The following ZMAT4 variants were observed in gnomAD, a reference collection of about 807,000 sequenced individuals.
The protein encoded by ZMAT4 is zinc finger matrin-type 4.
Under a neutral mutation model 28.7 loss-of-function variants are expected in ZMAT4, and 17 were observed. The observed-to-expected ratio is 0.59, with a 90% CI of 0.41 to 0.89. The LOEUF (loss-of-function observed/expected upper bound fraction) is 0.89, where lower values mean the gene tolerates loss of function less well. Among genes scored for constraint, ZMAT4 ranks in the 40% least tolerant of loss-of-function variants. The pLI, the probability that ZMAT4 is intolerant of heterozygous loss-of-function variation, is 0.00. For missense variants in ZMAT4, 240 were observed against 283.8 expected, an observed-to-expected ratio of 0.85 and a Z score of 1.11; for synonymous variants, 117 against 109.2, an observed-to-expected ratio of 1.07 and a Z score of -0.44.
chr8:40,729,675 A>G (rs899065584), intron 3 of ZMAT4, among the ~76,000 whole-genome samples: 5 of 150,398 alleles, frequency 3.3e-5, no homozygotes, highest in African/African-American at 1.2e-4. Context: ...GCCCACTACA[A>G]CCTCCACCTC....
At chr8:40,748,874 C>A (rs1231790210) in intron 3 of ZMAT4, among the ~76,000 whole-genome samples, 1 of 152,066 alleles carries the variant, frequency 6.6e-6, no homozygotes, top group African/African-American at 2.4e-5. Context: ...GTGTCCCCAT[C>A]TAAATCTCAA....
At chr8:40,613,691 G>A (rs1040232398) in intron 5 of ZMAT4, among the ~76,000 whole-genome samples, 1 of 152,080 alleles carries the variant, frequency 6.6e-6, no homozygotes, top group African/African-American at 2.4e-5. Context: ...TGGACTTAAT[G>A]ACACCACCAG....
At chr8:40,734,205 ACG>A (rs1811660518) in intron 3 of ZMAT4, among the ~76,000 whole-genome samples, 1 of 152,188 alleles carries the variant, frequency 6.6e-6, no homozygotes, top group African/African-American at 2.4e-5. Flanking sequence ...AGTCTTACTT[ACG>A]AAATATTGCT....
intron 1 of ZMAT4, among the ~76,000 whole-genome samples, chr8:40,876,837 A>G (rs1204359802): frequency 6.6e-6 from 1 of 152,232 alleles, no homozygotes; most frequent in Non-Finnish European, 1.5e-5. Context: ...TAACCCCTTC[A>G]TTGTTCACAG....
intron 2 of ZMAT4, among the ~76,000 whole-genome samples, chr8:40,777,009 T>A (rs1490742822): frequency 2.0e-5 from 3 of 151,692 alleles, no homozygotes; most frequent in African/African-American, 7.3e-5. Flanking sequence ...TGCTGTACAA[T>A]CACTGTTTGT....
chr8:40,544,697 A>C (rs1335323838), intron 6 of ZMAT4, among the ~76,000 whole-genome samples: 2 of 152,220 alleles, frequency 1.3e-5, no homozygotes, highest in Admixed American at 1.3e-4. Context: ...TACCAAAAGT[A>C]GCAGAGACAG....
At chr8:40,615,715 G>A (rs566861058) in intron 5 of ZMAT4, among the ~76,000 whole-genome samples, 7 of 152,024 alleles carry the variant, frequency 4.6e-5, no homozygotes, top group East Asian at 3.9e-4. Context: ...CCAGTTGATC[G>A]AATCGGATAC....
chr8:40,601,607 A>T (rs1364303507), intron 5 of ZMAT4, among the ~76,000 whole-genome samples: 1 of 7,882 alleles, frequency 1.3e-4, no homozygotes, highest in African/African-American at 3.1e-4. Flanking sequence ...AGAAAGAAAG[A>T]AAGAAAGAAA....
chr8:40,532,696 G>GA (rs5891101), intron 6 of ZMAT4, among the ~76,000 whole-genome samples: 2 of 151,494 alleles, frequency 1.3e-5, no homozygotes, highest in African/African-American at 4.9e-5. Context: ...TAGAAGAATA[G>GA]AAAAAAAAAA....
At chr8:40,828,877 C>A (rs1443976465) in intron 1 of ZMAT4, among the ~76,000 whole-genome samples, 3 of 152,094 alleles carry the variant, frequency 2.0e-5, no homozygotes, top group African/African-American at 7.2e-5. Context: ...GTCACTTGCT[C>A]CCCTCCCCTG....
At chr8:40,599,858 C>T (rs11994931) in intron 5 of ZMAT4, among the ~76,000 whole-genome samples, 295 of 152,296 alleles carry the variant, frequency 1.9e-3, no homozygotes, top group African/African-American at 6.5e-3. Flanking sequence ...GTCCCAGCAC[C>T]GGTCCCTTCT....
intron 4 of ZMAT4, among the ~76,000 whole-genome samples, chr8:40,684,903 A>C (rs28544220): frequency 0.014 from 2,158 of 152,080 alleles, 47 homozygotes; most frequent in African/African-American, 0.049. Context: ...CCCACCCCTG[A>C]AAAAAGGGAC....
intron 3 of ZMAT4, among the ~76,000 whole-genome samples, chr8:40,756,288 T>C (rs1812673693): frequency 1.3e-5 from 2 of 151,710 alleles, no homozygotes; most frequent in African/African-American, 4.8e-5. Flanking sequence ...AGAAAGGTGC[T>C]CCAGGAGACT....
intron 6 of ZMAT4, among the ~76,000 whole-genome samples, chr8:40,575,422 T>A (rs1387563364): frequency 3.9e-5 from 6 of 152,088 alleles, no homozygotes; most frequent in Non-Finnish European, 7.4e-5. Context: ...CAGAGCCAGC[T>A]GACCCACCAA....
chr8:40,649,809 C>A (rs2118808361), intron 5 of ZMAT4, among the ~76,000 whole-genome samples: 1 of 152,108 alleles, frequency 6.6e-6, no homozygotes, highest in South Asian at 2.1e-4. Context: ...ACTGAACAAC[C>A]TGCTCCTGAA....
At chr8:40,592,482 CA>C (rs1156466171) in intron 5 of ZMAT4, among the ~76,000 whole-genome samples, 1 of 152,160 alleles carries the variant, frequency 6.6e-6, no homozygotes, top group African/African-American at 2.4e-5. Context: ...GTCGATTAAA[CA>C]AAGAACACAC....
At chr8:40,770,160 G>C (rs1813329032) in intron 2 of ZMAT4, among the ~76,000 whole-genome samples, 1 of 152,094 alleles carries the variant, frequency 6.6e-6, no homozygotes, top group Admixed American at 6.5e-5. Flanking sequence ...AGGCATCCTA[G>C]TTCATTATTT....
At chr8:40,785,124 C>G (rs1026112244) in intron 2 of ZMAT4, among the ~76,000 whole-genome samples, 1 of 152,216 alleles carries the variant, frequency 6.6e-6, no homozygotes, top group Non-Finnish European at 1.5e-5. Context: ...TCCTGGGATA[C>G]ACATATGCCT....
intron 1 of ZMAT4, among the ~76,000 whole-genome samples, chr8:40,834,758 A>C (rs941355123): frequency 2.6e-5 from 4 of 152,204 alleles, no homozygotes; most frequent in African/African-American, 9.6e-5. Context: ...CTTCTGGAAC[A>C]TCTCCTTACC....
Sources: gnomAD v4.1 joint callset for allele counts (sites outside exome capture counted in the v4.1 genomes callset) on GRCh38, gnomAD v4.1.1 for gene constraint, MANE v1.5 for transcripts, NCBI Gene and HGNC (gene_info 2026-07-23, HGNC 2026-07-21) for gene names.